Variants in TMOD3 observed in about 807,000 individuals in gnomAD.
The protein encoded by TMOD3 is tropomodulin 3.
Under a neutral mutation model 39.2 loss-of-function variants are expected in TMOD3, and 20 were observed. The ratio of observed to expected loss-of-function variants is 0.51; its 90% CI spans 0.36 to 0.74. TMOD3 has a LOEUF of 0.74. Ranked by LOEUF, TMOD3 falls within the 30% of genes least tolerant of loss-of-function variation. The pLI is 0.00. For synonymous variants in TMOD3, 143 were observed against 145.8 expected, an observed-to-expected ratio of 0.98 and a Z score of 0.14; for missense variants, 381 against 412.8, an observed-to-expected ratio of 0.92 and a Z score of 0.67.
chr15:51,848,329 T>A (rs1452043421), intron 1 of TMOD3, among the ~76,000 whole-genome samples: 1 of 152,226 alleles, frequency 6.6e-6, no homozygotes, highest in Non-Finnish European at 1.5e-5. Flanking sequence ...TCTGCCACAT[T>A]GTCCCTGACA....
At chr15:51,833,843 G>C (rs922689803) in intron 1 of TMOD3, among the ~76,000 whole-genome samples, 2 of 152,152 alleles carry the variant, frequency 1.3e-5, no homozygotes, top group Non-Finnish European at 2.9e-5. Flanking sequence ...CTGAGTCATA[G>C]GGTATGTGTA....
chr15:51,905,565 T>A (rs2056674304), intron 9 of TMOD3, among the ~76,000 whole-genome samples: 2 of 152,064 alleles, frequency 1.3e-5, no homozygotes, highest in African/African-American at 2.4e-5. Context: ...TAAAGAACTT[T>A]GATTTATTTG....
intron 3 of TMOD3, among the ~76,000 whole-genome samples, chr15:51,878,310 T>C (rs146458061): frequency 7.2e-5 from 11 of 152,084 alleles, no homozygotes; most frequent in Non-Finnish European, 1.5e-4. Context: ...GGCAGGAGGA[T>C]TGCTTGAGGC....
intron 5 of TMOD3, among the ~76,000 whole-genome samples, chr15:51,891,236 C>A (rs1482384675): frequency 1.4e-5 from 2 of 144,096 alleles, no homozygotes; most frequent in African/African-American, 5.4e-5. Flanking sequence ...TCCTCCCCAA[C>A]CTCTTTCCTT....
intron 1 of TMOD3, among the ~76,000 whole-genome samples, chr15:51,851,606 A>G (rs763630692): frequency 5.3e-5 from 8 of 152,212 alleles, no homozygotes; most frequent in Non-Finnish European, 1.0e-4. Flanking sequence ...TACGATGAAA[A>G]TATCAACCAA....
At chr15:51,870,389 G>T (rs962663541) in intron 3 of TMOD3, among the ~76,000 whole-genome samples, 1 of 152,204 alleles carries the variant, frequency 6.6e-6, no homozygotes, top group Non-Finnish European at 1.5e-5. Flanking sequence ...TAGAATACTG[G>T]GGAATGGTGG....
chr15:51,869,476 C>T, intron 3 of TMOD3, 103 bp downstream of exon 3: 2 of 1,101,290 alleles, frequency 1.8e-6, no homozygotes, highest in Non-Finnish European at 2.6e-6. Context: ...TCATTGGTAG[C>T]CTTAAATATA....
rs113410167 is a variant in TMOD3, at chr15:51,874,309, A to G, written c.283+4936A>G. Among the ~76,000 whole-genome samples the G allele has an allele frequency of 4.6e-5, 7 of 152,376 alleles. 1 individual carries two copies. The highest frequency in any genetic ancestry group is 1.4e-4 in the African/African-American group (6 of 41,590). ...AATGATTATATGTTTTACAGAATTG[A>G]AAGCATATGTCAATATATGAAAAGA... On this transcript the variant is annotated intron_variant, in intron 3 of 9. Transcript: ENST00000308580.
At chr15:51,905,971 AAAAAAAAAAG>A (rs2056678118) in intron 9 of TMOD3, among the ~76,000 whole-genome samples, 5 of 150,578 alleles carry the variant, frequency 3.3e-5, no homozygotes, top group Admixed American at 3.3e-4. Context: ...AAAAAAAAAA[AAAAAAAAAAG>A]AAATTGGACC....
At chr15:51,882,827 AC>A (rs900624863) in intron 3 of TMOD3, among the ~76,000 whole-genome samples, 10 of 152,106 alleles carry the variant, frequency 6.6e-5, no homozygotes, top group South Asian at 2.1e-4. Context: ...TAAAAAAAAA[AC>A]AACTGAGATT....
intron 3 of TMOD3, among the ~76,000 whole-genome samples, chr15:51,880,381 C>A (rs1295673064): frequency 1.3e-5 from 2 of 151,938 alleles, no homozygotes; most frequent in African/African-American, 2.4e-5. Flanking sequence ...GCATATAATT[C>A]AATATTCATT....
chr15:51,836,228 C>T (rs1469202829), intron 1 of TMOD3, among the ~76,000 whole-genome samples: 1 of 152,064 alleles, frequency 6.6e-6, no homozygotes, highest in African/African-American at 2.4e-5. Flanking sequence ...GAACCATCAC[C>T]ACCATTTTAG....
At chr15:51,867,999 T>C (rs555898843) in intron 2 of TMOD3, among the ~76,000 whole-genome samples, 6 of 152,314 alleles carry the variant, frequency 3.9e-5, no homozygotes, top group African/African-American at 1.2e-4. Context: ...GCTGTGAGTA[T>C]GTCAGGGGTC....
chr15:51,845,404 T>C lies in TMOD3; in HGVS notation c.-75+15568T>C, dbSNP rs188021664. ...AAGTCAGAACCCCTAAGTCCATAGATCCGCTCACCCTCAGTCTGATGCTGG... is the reference window on the plus strand; with the variant it reads ...AAGTCAGAACCCCTAAGTCCATAGACCCGCTCACCCTCAGTCTGATGCTGG... On this transcript the variant is annotated intron_variant, in intron 1 of 9. Transcript: ENST00000308580. Among the ~76,000 whole-genome samples the C allele has an allele frequency of 2.0e-5, 3 of 152,306 alleles. No individual in the cohort carries two copies. In the East Asian group the frequency reaches 5.8e-4, roughly 29 times the overall value.
At chr15:51,895,184 A>G (rs965993933) in intron 6 of TMOD3, among the ~76,000 whole-genome samples, 6 of 151,928 alleles carry the variant, frequency 3.9e-5, no homozygotes, top group Admixed American at 1.3e-4. Context: ...GGAAAGCCTC[A>G]GAGAAAGCTT....
chr15:51,912,506 T>G lies in TMOD3; in HGVS notation c.*3696T>G. 6.6e-6 allele frequency: 1 copy of G among 152,094 alleles called. No homozygotes were observed. The highest frequency in any genetic ancestry group is 1.9e-4 in the East Asian group (1 of 5,200). The allele number at this position is 152,094 out of a possible 1,614,324, so 9.4% of individuals were successfully genotyped here. The stretch of plus-strand genomic sequence containing the variant: ...CGTTATATTTAACTCTTGCTGTCAT[T>G]AAAATAAGATGACAACATTTATGAA... On this transcript the variant is annotated 3_prime_UTR_variant, in exon 10 of 10. Coordinates refer to ENST00000308580, the MANE Select transcript of TMOD3 (RefSeq NM_014547.5).
chr15:51,889,214 G>C, intron 5 of TMOD3, 69 bp downstream of exon 5: 1 of 1,044,800 alleles, frequency 9.6e-7, no homozygotes, highest in South Asian at 1.4e-5. Context: ...CCTTGTGTCA[G>C]CTTAAGTGTT....
chr15:51,852,294 TAGG>T (rs1242520393), intron 1 of TMOD3, among the ~76,000 whole-genome samples: 1 of 152,154 alleles, frequency 6.6e-6, no homozygotes, highest in Non-Finnish European at 1.5e-5. Context: ...CCAGGGATCC[TAGG>T]AGAAGCCAGT....
intron 3 of TMOD3, among the ~76,000 whole-genome samples, chr15:51,881,935 C>T (rs1279539377): frequency 5.3e-5 from 8 of 151,538 alleles, no homozygotes; most frequent in African/African-American, 1.9e-4. Context: ...TGCTCTGTCG[C>T]CCAGGCTGGA....
Sources: allele counts gnomAD v4.1 joint callset (sites outside exome capture counted in the v4.1 genomes callset), GRCh38; gene constraint gnomAD v4.1.1; transcripts MANE v1.5; gene names NCBI Gene and HGNC (gene_info 2026-07-23, HGNC 2026-07-21).